The following WDR20 variants were observed in gnomAD, a reference collection of about 807,000 sequenced individuals.
WDR20 encodes the protein WD repeat domain 20.
In WDR20, 3 loss-of-function variants were observed where a neutral mutation model predicts 38.7. The observed-to-expected ratio is 0.08, with a 90% CI of 0.04 to 0.20. The LOEUF is 0.20. Among genes scored for constraint, WDR20 ranks in the 10% least tolerant of loss-of-function variants. WDR20 has a pLI of 1.00. For missense variants in WDR20, 559 were observed against 727.7 expected (o/e 0.77, Z 2.67); for synonymous variants, 298 against 285.6 (o/e 1.04, Z -0.44).
chr14:102,143,132 A>T (rs1027229858), intron 1 of WDR20, among the ~76,000 whole-genome samples: 5 of 152,142 alleles, frequency 3.3e-5, no homozygotes, highest in South Asian at 2.1e-4. Context: ...GAGGGGATGC[A>T]AACCTGTTAG....
At chr14:102,143,576 G>C (rs1253009850) in intron 1 of WDR20, among the ~76,000 whole-genome samples, 1 of 150,266 alleles carries the variant, frequency 6.7e-6, no homozygotes, top group Non-Finnish European at 1.5e-5. Flanking sequence ...ACAAAGTCTA[G>C]CTCTGTCACC....
At chr14:102,171,714 C>T (rs968039323) in intron 1 of WDR20, among the ~76,000 whole-genome samples, 3 of 151,438 alleles carry the variant, frequency 2.0e-5, no homozygotes, top group Admixed American at 6.6e-5. Flanking sequence ...TTAAAAATAA[C>T]GGTGGAAATA....
chr14:102,200,463 T>TGTGTG lies in WDR20; in HGVS notation c.432+5343_432+5344insGTGTG, dbSNP rs1567022952. The stretch of plus-strand genomic sequence containing the variant: ...CGAGGAGTTTACTTTTTAAATTTTT[T>TGTGTG]TTTTTGTGTGTGTGTGTGTGTGTGT... On this transcript the variant is annotated intron_variant, in intron 2 of 2. Coordinates refer to ENST00000342702, the MANE Select transcript of WDR20 (RefSeq NM_144574.4). Among the ~76,000 whole-genome samples, 9 of 99,698 alleles carry TGTGTG rather than the reference T, an allele frequency of 9.0e-5. No individual in the cohort carries two copies. In the East Asian group the frequency reaches 1.1e-3, roughly 12 times the overall value. 65.4% of individuals were successfully genotyped at this position (99,698 alleles called of 152,430 possible).
chr14:102,148,458 G>A (rs1482577232), intron 1 of WDR20, among the ~76,000 whole-genome samples: 2 of 151,628 alleles, frequency 1.3e-5, no homozygotes, highest in Non-Finnish European at 2.9e-5. Flanking sequence ...GAGAATTGCT[G>A]GAGCCTGGGA....
chr14:102,204,116 C>T (rs948001622), intron 2 of WDR20, among the ~76,000 whole-genome samples: 2 of 152,114 alleles, frequency 1.3e-5, no homozygotes, highest in Non-Finnish European at 2.9e-5. Context: ...GGCTGGTCGT[C>T]GGAGCCAGGT....
intron 1 of WDR20, among the ~76,000 whole-genome samples, chr14:102,140,848 G>A (rs2050782149): frequency 6.6e-6 from 1 of 152,186 alleles, no homozygotes; most frequent in Non-Finnish European, 1.5e-5. Context: ...AGTATGCGAA[G>A]GGCTGAGTAC....
At chr14:102,219,119 C>T (rs1049244303), downstream of WDR20, among the ~76,000 whole-genome samples, 5 of 152,188 alleles carry the variant, frequency 3.3e-5, no homozygotes, top group African/African-American at 1.2e-4. Flanking sequence ...AAGCTGCAGC[C>T]GGGATCCTTC....
rs767574897 is a variant in WDR20 at position 102,222,432 on chromosome 14, G to A, written c.1693-398G>A. On this transcript the variant is annotated intron_variant, in intron 3 of 3. Coordinates refer to the WDR20 transcript ENST00000335263. The surrounding 1 kb of genome is among the most constrained non-coding windows in gnomAD (Gnocchi z 4.4). Reference sequence around the variant, plus strand: ...CCTGGCTCCGAGGGACTGGGTGTGCGGTCCAGAACTGCGGTGCCCTGGGCT... The same window carrying A: ...CCTGGCTCCGAGGGACTGGGTGTGCAGTCCAGAACTGCGGTGCCCTGGGCT... Among the ~76,000 whole-genome samples, 4 of 152,190 alleles carry A rather than the reference G, an allele frequency of 2.6e-5. No homozygotes were observed. Among genetic ancestry groups the A allele is most frequent in the African/African-American group, 7.2e-5 (3 of 41,450 alleles).
downstream of WDR20, among the ~76,000 whole-genome samples, chr14:102,212,127 C>T (rs2062618912): frequency 6.6e-6 from 1 of 152,114 alleles, no homozygotes; most frequent in Non-Finnish European, 1.5e-5. Context: ...GGTTATGTTT[C>T]CTTTGAAAAC....
At chr14:102,149,187 A>C (rs1029365837) in intron 1 of WDR20, among the ~76,000 whole-genome samples, 1 of 152,102 alleles carries the variant, frequency 6.6e-6, no homozygotes, top group African/African-American at 2.4e-5. Flanking sequence ...CAAAAAATAC[A>C]TACATAAATA....
At chr14:102,173,811 A>G (rs1009486876) in intron 1 of WDR20, among the ~76,000 whole-genome samples, 9 of 152,176 alleles carry the variant, frequency 5.9e-5, no homozygotes, top group African/African-American at 1.7e-4. Flanking sequence ...TTGGGAGGCC[A>G]AGGCGGGCAG....
chr14:102,222,752 C>G lies in WDR20; in HGVS notation c.1693-78C>G. 4 of 1,523,576 alleles carry G rather than the reference C, an allele frequency of 2.6e-6. No homozygotes were observed. In the East Asian group the frequency reaches 6.8e-5, roughly 26 times the overall value. 94.4% of individuals were successfully genotyped at this position (1,523,576 alleles called of 1,614,324 possible). ...CAGCACCAGTTTTGACCACGTGGAGCTGCTGGCGGAGGGCGCGCATGGTGG... is the reference window on the plus strand; with the variant it reads ...CAGCACCAGTTTTGACCACGTGGAGGTGCTGGCGGAGGGCGCGCATGGTGG... On this transcript the variant is annotated intron_variant, in intron 3 of 3. Coordinates refer to the WDR20 transcript ENST00000335263. The surrounding 1 kb of genome is among the most constrained non-coding windows in gnomAD (Gnocchi z 4.4).
chr14:102,193,499 C>T, intron 1 of WDR20: 2 of 1,613,540 alleles, frequency 1.2e-6, no homozygotes, highest in South Asian at 1.1e-5. Flanking sequence ...AGATTCTCAT[C>T]TCCGTTTTAA....
intron 2 of WDR20, among the ~76,000 whole-genome samples, chr14:102,195,404 G>A (rs1334407183): frequency 6.6e-6 from 1 of 152,050 alleles, no homozygotes; most frequent in African/African-American, 2.4e-5. Context: ...ACTGTAACTC[G>A]GTATTTATAA....
At chr14:102,213,690 TC>T (rs2062839276), downstream of WDR20, 4 of 985,312 alleles carry the variant, frequency 4.1e-6, no homozygotes, top group South Asian at 1.9e-4. Context: ...TTCCTCCACT[TC>T]CTGGGGTTCA....
chr14:102,200,908 A>G lies in WDR20; in HGVS notation c.432+5788A>G, dbSNP rs2060280570. Among the ~76,000 whole-genome samples, 4 of 152,240 alleles carry G rather than the reference A, an allele frequency of 2.6e-5. No homozygotes were observed. In the South Asian group the frequency reaches 8.3e-4, roughly 32 times the overall value. On this transcript the variant is annotated intron_variant, in intron 2 of 2. Transcript: ENST00000342702. ...CCTGACTCCTGGGGTATGGAGGGAC[A>G]CTGCTGCCAGCCCAGGCTGCGTGGC...
rs756273953 is a variant in WDR20 at position 102,209,545 on chromosome 14, A to C, written c.1375A>C (p.Ser459Arg). 2 of 1,614,216 alleles carry C rather than the reference A, an allele frequency of 1.2e-6. No homozygotes were observed. The highest frequency in any genetic ancestry group is 8.5e-7 in the Non-Finnish European group (1 of 1,180,042). The change falls in exon 3 of 3, where the codon AGC becomes CGC. Residue 459 changes from serine (S) to arginine (R), a missense_variant. Coordinates refer to ENST00000342702, the MANE Select transcript of WDR20 (RefSeq NM_144574.4). This position sits in a 1 kb window ranked among gnomAD's most constrained non-coding sequence, Gnocchi z 6.0. ...VMDGAIASGV[S>R]KFATLSLHDR... The stretch of plus-strand genomic sequence containing the variant: ...GGACGGGGCCATTGCTTCTGGGGTC[A>C]GCAAATTTGCAACACTTTCACTACA...
At chr14:102,205,068 A>G (rs1216213777) in intron 2 of WDR20, among the ~76,000 whole-genome samples, 1 of 152,200 alleles carries the variant, frequency 6.6e-6, no homozygotes, top group Non-Finnish European at 1.5e-5. Context: ...AGCCTGGACA[A>G]CATAGCGACA....
At chr14:102,169,310 A>G (rs2060376079) in intron 1 of WDR20, among the ~76,000 whole-genome samples, 1 of 152,154 alleles carries the variant, frequency 6.6e-6, no homozygotes, top group East Asian at 1.9e-4. Context: ...AGGCACTGCC[A>G]TCACCTTTCC....
Sources: allele counts gnomAD v4.1 joint callset (sites outside exome capture counted in the v4.1 genomes callset), GRCh38; gene constraint gnomAD v4.1.1; non-coding constraint Gnocchi (gnomAD v3.1); transcripts MANE v1.5; gene names NCBI Gene and HGNC (gene_info 2026-07-23, HGNC 2026-07-21).